The following CDK14 variants were observed in gnomAD, a reference collection of about 807,000 sequenced individuals.
CDK14 encodes the protein cyclin-dependent kinase 14.
A neutral mutation model predicts 60.7 loss-of-function variants in CDK14; 34 were observed. The ratio of observed to expected loss-of-function variants is 0.56; its 90% CI spans 0.43 to 0.75. The LOEUF is 0.75. CDK14 is among the 30% of genes least tolerant of loss of function. The probability of loss-of-function intolerance (pLI) is 0.00; values close to 1 mark genes in which losing one functional copy is unlikely to be tolerated. For synonymous variants in CDK14, 197 were observed against 203.7 expected, an observed-to-expected ratio of 0.97 and a Z score of 0.28; for missense variants, 482 against 564.1, an observed-to-expected ratio of 0.85 and a Z score of 1.47.
At chr7:90,741,905 A>G (rs569642831) in intron 3 of CDK14, among the ~76,000 whole-genome samples, 1 of 152,206 alleles carries the variant, frequency 6.6e-6, no homozygotes, top group Non-Finnish European at 1.5e-5. Flanking sequence ...TTGAATTTTA[A>G]AAATTGTTTT....
intron 2 of CDK14, among the ~76,000 whole-genome samples, chr7:90,677,344 G>C (rs955317949): frequency 6.6e-6 from 1 of 152,158 alleles, no homozygotes; most frequent in Non-Finnish European, 1.5e-5. Context: ...TGAAACTTGA[G>C]CTACTTGTAA....
At chr7:91,026,044 A>G (rs1454104120) in intron 10 of CDK14, among the ~76,000 whole-genome samples, 1 of 152,026 alleles carries the variant, frequency 6.6e-6, no homozygotes, top group African/African-American at 2.4e-5. Context: ...TTTAGTGAAC[A>G]TAATCATTAG....
chr7:91,093,078 G>A (rs1271466280), intron 12 of CDK14, among the ~76,000 whole-genome samples: 1 of 152,170 alleles, frequency 6.6e-6, no homozygotes, highest in East Asian at 1.9e-4. Context: ...AGACTTTGCA[G>A]TATTTTCTCC....
intron 2 of CDK14, among the ~76,000 whole-genome samples, chr7:90,639,719 G>T (rs1347012443): frequency 6.7e-6 from 1 of 149,528 alleles, no homozygotes; most frequent in African/African-American, 2.5e-5. Flanking sequence ...CCTGCCCCCA[G>T]AGGTGGAGCC....
chr7:90,815,925 G>A (rs533214758), intron 5 of CDK14, among the ~76,000 whole-genome samples: 2 of 152,146 alleles, frequency 1.3e-5, no homozygotes, highest in East Asian at 3.9e-4. Flanking sequence ...CCGGGGATGG[G>A]GGGTAAGGGG....
At chr7:90,922,611 G>A (rs1049312874) in intron 8 of CDK14, among the ~76,000 whole-genome samples, 3 of 152,178 alleles carry the variant, frequency 2.0e-5, no homozygotes, top group African/African-American at 4.8e-5. Flanking sequence ...TTTTGAAAAG[G>A]AATGTTGATA....
chr7:90,754,650 C>T (rs1284916158), intron 4 of CDK14, among the ~76,000 whole-genome samples: 1 of 152,100 alleles, frequency 6.6e-6, no homozygotes, highest in African/African-American at 2.4e-5. Context: ...TGAAGAGTTT[C>T]TGCACAGCAA....
chr7:91,061,973 G>A (rs553925609), intron 11 of CDK14, among the ~76,000 whole-genome samples: 1 of 152,340 alleles, frequency 6.6e-6, no homozygotes, highest in Non-Finnish European at 1.5e-5. Flanking sequence ...GCTGCCTTTT[G>A]TTTGGCTATG....
chr7:90,729,358 T>G (rs1353288551), intron 3 of CDK14, among the ~76,000 whole-genome samples: 4 of 132,514 alleles, frequency 3.0e-5, no homozygotes, highest in South Asian at 2.6e-4. Context: ...TTTTTTTTTT[T>G]TTTTTTTTTT....
chr7:90,883,064 C>T (rs1318435180), intron 6 of CDK14, among the ~76,000 whole-genome samples: 8 of 151,360 alleles, frequency 5.3e-5, no homozygotes, highest in Non-Finnish European at 1.2e-4. Context: ...AATCCAAAAG[C>T]TAGCAGAAGA....
intron 10 of CDK14, among the ~76,000 whole-genome samples, chr7:91,015,529 T>TG (rs1441270273): frequency 1.5e-5 from 2 of 132,024 alleles, no homozygotes; most frequent in Non-Finnish European, 3.2e-5. Flanking sequence ...GGGTTTTTTT[T>TG]TTTTTTTTTT....
intron 8 of CDK14, among the ~76,000 whole-genome samples, chr7:90,936,682 A>G (rs1793764780): frequency 6.6e-6 from 1 of 152,204 alleles, no homozygotes; most frequent in African/African-American, 2.4e-5. Flanking sequence ...GGGTGCCCTC[A>G]GGAAGAGAAT....
intron 2 of CDK14, among the ~76,000 whole-genome samples, chr7:90,608,841 A>G (rs777150294): frequency 3.6e-4 from 55 of 151,956 alleles, no homozygotes; most frequent in Non-Finnish European, 5.0e-4. Flanking sequence ...TATAAAATTA[A>G]AAAAAATTCT....
At chr7:90,895,790 G>A (rs1386863056) in intron 6 of CDK14, among the ~76,000 whole-genome samples, 1 of 139,960 alleles carries the variant, frequency 7.1e-6, no homozygotes, top group Non-Finnish European at 1.5e-5. Flanking sequence ...TGCTCAGGCT[G>A]GTCTTGAACT....
chr7:90,808,961 A>G (rs1453627123), intron 5 of CDK14, among the ~76,000 whole-genome samples: 1 of 152,200 alleles, frequency 6.6e-6, no homozygotes, highest in Non-Finnish European at 1.5e-5. Flanking sequence ...AAGCACCCAG[A>G]TTCATAAAGC....
chr7:90,663,779 A>C (rs1431340300), intron 2 of CDK14, among the ~76,000 whole-genome samples: 1 of 152,218 alleles, frequency 6.6e-6, no homozygotes, highest in East Asian at 1.9e-4. Flanking sequence ...CTTTGCAAAA[A>C]ATACTGAGTT....
rs565208800 is a variant in CDK14 at position 91,116,118 on chromosome 7, C to T, written c.1295-1947C>T. ...ATGGAGGGCTGATTTAGAAGAAATT[C>T]ATTACTTTTCCCAAATACACCACAG... On this transcript the variant is annotated intron_variant, in intron 13 of 14. Coordinates refer to ENST00000380050, the MANE Select transcript of CDK14 (RefSeq NM_001287135.2). 2.0e-5 allele frequency among the ~76,000 whole-genome samples: 3 copies of T among 152,308 alleles called. 1 individual carries two copies. Among genetic ancestry groups the T allele is most frequent in the African/African-American group, 7.2e-5 (3 of 41,570 alleles).
chr7:90,778,891 CCTTCCTT>C (rs775770657), intron 4 of CDK14, among the ~76,000 whole-genome samples: 3,475 of 115,650 alleles, frequency 0.03, 70 homozygotes, highest in East Asian at 0.1. Flanking sequence ...TTCCTTCCTT[CCTTCCTT>C]CTTTTCTCTC....
At chr7:91,020,178 A>G (rs1472350571) in intron 10 of CDK14, among the ~76,000 whole-genome samples, 1 of 152,198 alleles carries the variant, frequency 6.6e-6, no homozygotes, top group Admixed American at 6.5e-5. Context: ...CCATTGACCA[A>G]TCAAGTCAAA....
Sources: allele counts gnomAD v4.1 joint callset (sites outside exome capture counted in the v4.1 genomes callset), GRCh38; gene constraint gnomAD v4.1.1; transcripts MANE v1.5; gene names NCBI Gene and HGNC (gene_info 2026-07-23, HGNC 2026-07-21).